The following TMEM132B variants were observed in gnomAD, a reference collection of about 807,000 sequenced individuals.
TMEM132B encodes transmembrane protein 132B.
Under a neutral mutation model 90.8 loss-of-function variants are expected in TMEM132B, and 18 were observed. That is an observed-to-expected ratio of 0.20 (90% CI 0.14 to 0.29). The LOEUF is 0.29. Among genes scored for constraint, TMEM132B ranks in the 10% least tolerant of loss-of-function variants. The pLI, the probability that TMEM132B is intolerant of heterozygous loss-of-function variation, is 1.00. For synonymous variants in TMEM132B, 504 were observed against 523.3 expected (o/e 0.96, Z 0.50); for missense variants, 1,096 against 1,326.8 (o/e 0.83, Z 2.70).
chr12:125,238,646 A>G lies in TMEM132B; in HGVS notation c.67+51780A>G, dbSNP rs147302195. Among the ~76,000 whole-genome samples the G allele has an allele frequency of 1.1e-4, 16 of 152,360 alleles. No individual in the cohort carries two copies. The East Asian group carries it at 3.1e-3, about 29-fold the overall frequency. ...GTTCGGAAAGCTCCGAAGGCCAGAGAAATGCACGGAAGAAAAGGCTGAGAA... is the reference window on the plus strand; with the variant it reads ...GTTCGGAAAGCTCCGAAGGCCAGAGGAATGCACGGAAGAAAAGGCTGAGAA... On this transcript the variant is annotated intron_variant, in intron 1 of 8. Coordinates refer to ENST00000682704, the MANE Select transcript of TMEM132B (RefSeq NM_001366854.1).
intron 4 of TMEM132B, among the ~76,000 whole-genome samples, chr12:125,583,204 A>T (rs903067779): frequency 1.3e-5 from 2 of 152,142 alleles, no homozygotes; most frequent in Non-Finnish European, 2.9e-5. Context: ...ATAAACTATG[A>T]ACATATATTA....
chr12:125,456,093 T>C (rs754560713), intron 3 of TMEM132B, among the ~76,000 whole-genome samples: 2 of 152,208 alleles, frequency 1.3e-5, no homozygotes, highest in Non-Finnish European at 2.9e-5. Flanking sequence ...ATTTGGCCCA[T>C]GGGCTGCAGT....
intron 1 of TMEM132B, among the ~76,000 whole-genome samples, chr12:125,282,038 AAAAAAAAAAAAAAAAAAAAAAAG>A (rs1875200630): frequency 1.1e-5 from 1 of 92,662 alleles, no homozygotes; most frequent in Non-Finnish European, 2.3e-5. Context: ...AAAAAAAAAA[AAAAAAAAAAAAAAAAAAAAAAAG>A]AGAGACTTTT....
At chr12:125,472,409 G>C (rs1881747875) in intron 3 of TMEM132B, among the ~76,000 whole-genome samples, 1 of 152,130 alleles carries the variant, frequency 6.6e-6, no homozygotes, top group Non-Finnish European at 1.5e-5. Context: ...AGTGGACGTG[G>C]GGTTGGTCTT....
chr12:125,298,998 G>A (rs1284097569), intron 1 of TMEM132B, among the ~76,000 whole-genome samples: 1 of 152,042 alleles, frequency 6.6e-6, no homozygotes, highest in Non-Finnish European at 1.5e-5. Context: ...CTCCCAAAGT[G>A]CTGGGATTAC....
chr12:125,546,216 T>G (rs1298454175), intron 4 of TMEM132B, among the ~76,000 whole-genome samples: 1 of 151,928 alleles, frequency 6.6e-6, no homozygotes, highest in African/African-American at 2.4e-5. Flanking sequence ...AGAGTCTTGC[T>G]CTGTCACCCA....
At chr12:125,383,703 G>A (rs1878747567) in intron 2 of TMEM132B, among the ~76,000 whole-genome samples, 1 of 152,148 alleles carries the variant, frequency 6.6e-6, no homozygotes, top group Non-Finnish European at 1.5e-5. Flanking sequence ...AAAATGGAAA[G>A]CCAGCATCAC....
intron 3 of TMEM132B, among the ~76,000 whole-genome samples, chr12:125,507,866 G>C (rs932634515): frequency 3.3e-5 from 5 of 152,208 alleles, no homozygotes; most frequent in Admixed American, 1.3e-4. Flanking sequence ...GTGGAGAGAA[G>C]AGAGTGTGGG....
intron 1 of TMEM132B, among the ~76,000 whole-genome samples, chr12:125,243,154 T>TAA (rs1874127355): frequency 1.3e-5 from 1 of 76,266 alleles, no homozygotes; most frequent in African/African-American, 7.5e-5. Flanking sequence ...TATATATAAT[T>TAA]TTTTTTTTTA....
intron 5 of TMEM132B, among the ~76,000 whole-genome samples, chr12:125,617,344 C>CTTT (rs772003323): frequency 7.4e-6 from 1 of 135,216 alleles, no homozygotes; most frequent in African/African-American, 2.7e-5. Flanking sequence ...TTTCACTGCC[C>CTTT]TTTTTTTTTT....
chr12:125,463,238 T>G (rs1276034775), intron 3 of TMEM132B, among the ~76,000 whole-genome samples: 4 of 152,188 alleles, frequency 2.6e-5, no homozygotes, highest in Non-Finnish European at 1.5e-5. Flanking sequence ...ATTTTAAAAG[T>G]GCAATATTCA....
At chr12:125,576,456 A>G (rs1318613785) in intron 4 of TMEM132B, among the ~76,000 whole-genome samples, 1 of 151,520 alleles carries the variant, frequency 6.6e-6, no homozygotes, top group Non-Finnish European at 1.5e-5. Context: ...ATTCATTTCA[A>G]TTAATCCCCC....
chr12:125,648,030 T>G (rs1212988076), intron 6 of TMEM132B, among the ~76,000 whole-genome samples: 1 of 149,402 alleles, frequency 6.7e-6, no homozygotes, highest in Non-Finnish European at 1.5e-5. Context: ...ATTAGGTATA[T>G]CTCCCAATGC....
At chr12:125,343,760 T>G (rs749705468) in intron 1 of TMEM132B, among the ~76,000 whole-genome samples, 1 of 152,212 alleles carries the variant, frequency 6.6e-6, no homozygotes, top group Non-Finnish European at 1.5e-5. Context: ...CTTTAAGCGA[T>G]ATTTTCTCCT....
chr12:125,374,307 ATTC>A (rs1472306912), intron 2 of TMEM132B, among the ~76,000 whole-genome samples: 3 of 152,212 alleles, frequency 2.0e-5, no homozygotes, highest in Non-Finnish European at 2.9e-5. Flanking sequence ...CTGGAGGCTC[ATTC>A]TTCTTAGAGT....
At chr12:125,530,320 C>T (rs151179066) in intron 4 of TMEM132B, among the ~76,000 whole-genome samples, 8 of 151,182 alleles carry the variant, frequency 5.3e-5, no homozygotes, top group Non-Finnish European at 8.8e-5. Context: ...CTCTCTTTCT[C>T]TCTGTCTCTC....
Position 125,214,281 on chromosome 12 carries a change from C to A in TMEM132B, c.67+27415C>A, listed in dbSNP as rs182944061. Among the ~76,000 whole-genome samples, 59 of 152,328 alleles carry A rather than the reference C, an allele frequency of 3.9e-4. No homozygotes were observed. The East Asian group carries it at 9.8e-3, about 25-fold the overall frequency. ...CTTAATTGCCATCATCAAGACCCAGCCTCCCTCTGTCTCTCAGCACTAGTT... is the reference window on the plus strand; with the variant it reads ...CTTAATTGCCATCATCAAGACCCAGACTCCCTCTGTCTCTCAGCACTAGTT... On this transcript the variant is annotated intron_variant, in intron 1 of 8. Coordinates refer to ENST00000682704, the MANE Select transcript of TMEM132B (RefSeq NM_001366854.1).
chr12:125,243,108 C>T (rs11608442), intron 1 of TMEM132B, among the ~76,000 whole-genome samples: 54 of 68,412 alleles, frequency 7.9e-4, no homozygotes, highest in South Asian at 2.9e-3. Flanking sequence ...TATATATATA[C>T]ACATATATAT....
intron 5 of TMEM132B, among the ~76,000 whole-genome samples, chr12:125,598,568 G>A (rs1885497977): frequency 6.6e-6 from 1 of 152,186 alleles, no homozygotes; most frequent in African/African-American, 2.4e-5. Context: ...AATCAAAGAT[G>A]GGACTGGGAC....
Sources: allele counts gnomAD v4.1 joint callset (sites outside exome capture counted in the v4.1 genomes callset), GRCh38; gene constraint gnomAD v4.1.1; transcripts MANE v1.5; gene names NCBI Gene and HGNC (gene_info 2026-07-23, HGNC 2026-07-21).